Variants in IGSF9B observed in about 807,000 individuals in gnomAD.
The protein encoded by IGSF9B is immunoglobulin superfamily member 9B, also known as protein turtle homolog B.
In IGSF9B, 48 loss-of-function variants were observed where a neutral mutation model predicts 143.7. That is an observed-to-expected ratio of 0.33 (90% CI 0.26 to 0.42). IGSF9B has a LOEUF of 0.42. IGSF9B is among the 20% of genes least tolerant of loss of function. IGSF9B has a pLI of 1.00. For synonymous variants in IGSF9B, 903 were observed against 833.1 expected, an observed-to-expected ratio of 1.08 and a Z score of -1.44; for missense variants, 1,706 against 1,980.0, an observed-to-expected ratio of 0.86 and a Z score of 2.63.
chr11:133,940,317 CAGAA>C (rs1939919464), intron 3 of IGSF9B, among the ~76,000 whole-genome samples: 1 of 137,704 alleles, frequency 7.3e-6, no homozygotes, highest in Non-Finnish European at 1.5e-5. Flanking sequence ...TCATCGCACG[CAGAA>C]ACATACACCT....
chr11:133,940,105 A>ACG (rs1939905687), intron 3 of IGSF9B, among the ~76,000 whole-genome samples: 2 of 136,414 alleles, frequency 1.5e-5, no homozygotes, highest in Admixed American at 7.5e-5. Context: ...ACGCATCATC[A>ACG]CATAAACATA....
chr11:133,920,371 G>A lies in IGSF9B; in HGVS notation c.3354C>T (p.Ala1118=), dbSNP rs749221270. ...PGRGPVPAPP[A]AKWQDRPMQP... ...GCATAGGTCTGTCCTGCCACTTGGCGGCGGGGGGCGCTGGGACAGGGCCCC... is the reference window on the plus strand; with the variant it reads ...GCATAGGTCTGTCCTGCCACTTGGCAGCGGGGGGCGCTGGGACAGGGCCCC... Residue 1118 remains alanine (A), a synonymous_variant, in exon 18 of 20, where the codon GCC becomes GCT. Coordinates refer to ENST00000533871, the MANE Select transcript of IGSF9B (RefSeq NM_001277285.4). The A allele has an allele frequency of 6.9e-6, 11 of 1,604,444 alleles. No homozygotes were observed. Among genetic ancestry groups the A allele is most frequent in the Middle Eastern group, 1.7e-4 (1 of 5,986 alleles).
rs1939111679 is a variant in IGSF9B at position 133,901,066 on chromosome 11, A to G, written c.*8003T>C. The stretch of plus-strand genomic sequence containing the variant: ...CTTGCCCTGTTAAGCCCCTCTGCAA[A>G]GAAGTTCAAGTCAACATCCCTCCCA... On this transcript the variant is annotated 3_prime_UTR_variant, in exon 20 of 20. Transcript: ENST00000533871. 1 of 152,260 alleles carries G rather than the reference A, an allele frequency of 6.6e-6. No homozygotes were observed. The highest frequency in any genetic ancestry group is 2.1e-4 in the South Asian group (1 of 4,826). The allele number at this position is 152,260 out of a possible 1,614,324, so 9.4% of individuals were successfully genotyped here. A position where few individuals can be genotyped will look rare whatever the true frequency, so the allele number is the denominator to read the frequency against.
At chr11:133,918,052 G>GT (rs1266172393) in intron 18 of IGSF9B, among the ~76,000 whole-genome samples, 124 of 151,160 alleles carry the variant, frequency 8.2e-4, no homozygotes, top group Non-Finnish European at 1.4e-3. Flanking sequence ...GGGACGGGGG[G>GT]TGGGGGGCAG....
At chr11:133,935,496 C>T (rs2121318482) in intron 7 of IGSF9B, 121 bp downstream of exon 7, 1 of 1,160,124 alleles carries the variant, frequency 8.6e-7, no homozygotes, top group Non-Finnish European at 1.2e-6. Flanking sequence ...CTCTTATTCG[C>T]TCCTCCACCT....
rs781060693 is a variant in IGSF9B at position 133,926,709 on chromosome 11, A to T, written c.1807+207T>A. 5.3e-5 allele frequency among the ~76,000 whole-genome samples: 8 copies of T among 152,376 alleles called. No individual in the cohort carries two copies. In the South Asian group the frequency reaches 6.2e-4, roughly 12 times the overall value. On this transcript the variant is annotated intron_variant, in intron 13 of 19. Coordinates refer to ENST00000533871, the MANE Select transcript of IGSF9B (RefSeq NM_001277285.4). ...TCTTTCTTCCACCTGAAAAAGCAACAGGAATTCGGCCAATGGCACTCTGAT... is the reference window on the plus strand; with the variant it reads ...TCTTTCTTCCACCTGAAAAAGCAACTGGAATTCGGCCAATGGCACTCTGAT...
rs183644345 is a variant in IGSF9B at position 133,923,350 on chromosome 11, G to A, written c.2120-620C>T. 3.1e-3 allele frequency among the ~76,000 whole-genome samples: 475 copies of A among 152,284 alleles called. 2 individuals are homozygous for A. The highest frequency in any genetic ancestry group is 0.011 in the African/African-American group (447 of 41,558). On this transcript the variant is annotated intron_variant, in intron 15 of 19. Transcript: ENST00000533871. The stretch of plus-strand genomic sequence containing the variant: ...TCCCCTTCTAGTACAGGCATGCAAC[G>A]TCCTGAAGATTCGCATCCTGGTCAT...
intron 1 of IGSF9B, 80 bp downstream of exon 1, chr11:133,956,611 A>G (rs918193625): frequency 1.8e-5 from 17 of 962,248 alleles, no homozygotes; most frequent in Non-Finnish European, 2.5e-5. Context: ...GGGGCCAAGG[A>G]GCCGGGAAAC....
chr11:133,907,245 A>ATTCCCCTTCGGGGGGCT lies in IGSF9B; in HGVS notation c.*1823_*1824insAGCCCCCCGAAGGGGAA, dbSNP rs2121262377. Among the ~76,000 whole-genome samples, 2 of 152,326 alleles carry ATTCCCCTTCGGGGGGCT rather than the reference A, an allele frequency of 1.3e-5. No individual in the cohort carries two copies. The highest frequency in any genetic ancestry group is 4.1e-4 in the South Asian group (2 of 4,832). On this transcript the variant is annotated 3_prime_UTR_variant, in exon 20 of 20. Transcript: ENST00000533871. ...GTCCTCAGCTCCCTGGGTGAAAGGA[A>ATTCCCCTTCGGGGGGCT]GGACCAGGGCCGGTGTGGCACAGAA...
chr11:133,927,232 G>A, intron 12 of IGSF9B, 141 bp from the exon 13 acceptor site: 1 of 676,414 alleles, frequency 1.5e-6, no homozygotes, highest in Admixed American at 2.9e-5. Flanking sequence ...AGAGGGCATG[G>A]CCCAGAGTGG....
Position 133,904,831 on chromosome 11 carries a change from C to G in IGSF9B, c.*4238G>C, listed in dbSNP as rs775394009. Among the ~76,000 whole-genome samples the G allele has an allele frequency of 2.4e-4, 36 of 151,664 alleles. No individual in the cohort carries two copies. Among genetic ancestry groups the G allele is most frequent in the Admixed American group, 1.3e-3 (20 of 15,196 alleles). ...CCACCCTCCAGTTCTCCAACTCCCC[C>G]TCCTGAAACACCAGTGCCCCATCCA... is the stretch of plus-strand genomic sequence containing the variant. On this transcript the variant is annotated 3_prime_UTR_variant, in exon 20 of 20. Coordinates refer to ENST00000533871, the MANE Select transcript of IGSF9B (RefSeq NM_001277285.4).
At position 133,908,827 on chromosome 11, in the gene IGSF9B, TGTTGCC is replaced by T; in HGVS notation, c.*236_*241del. On this transcript the variant is annotated 3_prime_UTR_variant, in exon 20 of 20. Coordinates refer to ENST00000533871, the MANE Select transcript of IGSF9B (RefSeq NM_001277285.4). ...CAGGGGGCGGAGGGGAGGAGACAGG[TGTTGCC>T]CAGTCTCCAATCCACTTCCTGACCT... The T allele has an allele frequency of 2.0e-6, 1 of 495,012 alleles. No individual in the cohort carries two copies. The highest frequency in any genetic ancestry group is 3.2e-5 in the South Asian group (1 of 30,786). The allele number at this position is 495,012 out of a possible 1,614,324, so 30.7% of individuals were successfully genotyped here.
rs776267595 is a variant in IGSF9B at position 133,921,252 on chromosome 11, G to A, written c.2473C>T (p.Arg825Trp). 3.2e-5 allele frequency: 51 copies of A among 1,610,858 alleles called. No homozygotes were observed. In the Middle Eastern group the frequency reaches 9.9e-4, roughly 31 times the overall value. ...CTGTACTTCTTGCTGCTGATGGCCC[G>A]CTTGGTCTTCTTGTACAGCGACAGC... Reference protein sequence around the residue: ...KELSLYKKTKRAISSKKYSVA... With the variant: ...KELSLYKKTKWAISSKKYSVA... The change falls in exon 18 of 20, where the codon CGG (arginine) becomes TGG (tryptophan). Residue 825 changes from arginine to tryptophan, a missense_variant. Physicochemically the swap from Arg to Trp is moderately radical, Grantham distance 101. Around this residue, in one of 7 missense-constraint regions of IGSF9B, gnomAD observed 135 missense variants for 181.3 expected, o/e 0.74. Coordinates refer to ENST00000533871, the MANE Select transcript of IGSF9B (RefSeq NM_001277285.4).
At chr11:133,947,225 G>A (rs1054301368) in intron 1 of IGSF9B, among the ~76,000 whole-genome samples, 72 of 152,216 alleles carry the variant, frequency 4.7e-4, no homozygotes, top group African/African-American at 1.7e-3. Flanking sequence ...CCACTCCTGG[G>A]CCCAAAGAAG....
At position 133,913,614 on chromosome 11, in the gene IGSF9B, A is replaced by G. The variant is rs1939333547; in HGVS notation, c.3984-1607T>C. ...CTGACAGCAGAGCTAAGAAGGCTACACAGGGTCCCTCAGGTGCACACACAG... is the reference window on the plus strand; with the variant it reads ...CTGACAGCAGAGCTAAGAAGGCTACGCAGGGTCCCTCAGGTGCACACACAG... On this transcript the variant is annotated intron_variant, in intron 18 of 19. Coordinates refer to ENST00000533871, the MANE Select transcript of IGSF9B (RefSeq NM_001277285.4). The surrounding 1 kb of genome is among the most constrained non-coding windows in gnomAD (Gnocchi z 4.6). Among the ~76,000 whole-genome samples, 1 of 152,208 alleles carries G rather than the reference A, an allele frequency of 6.6e-6. No homozygotes were observed. Among genetic ancestry groups the G allele is most frequent in the Non-Finnish European group, 1.5e-5 (1 of 68,034 alleles).
chr11:133,922,514 TGGG>T, intron 16 of IGSF9B, 52 bp downstream of exon 16: 1 of 1,558,618 alleles, frequency 6.4e-7, no homozygotes, highest in Non-Finnish European at 8.8e-7. Context: ...CCTCTCTTGA[TGGG>T]GGGCATTTGA....
intron 15 of IGSF9B, among the ~76,000 whole-genome samples, chr11:133,923,976 A>T (rs966973705): frequency 2.0e-5 from 3 of 151,744 alleles, no homozygotes; most frequent in East Asian, 1.9e-4. Flanking sequence ...TTTTTTTTTT[A>T]AAGCCCATTG....
intron 1 of IGSF9B, among the ~76,000 whole-genome samples, chr11:133,951,153 G>A (rs193274305): frequency 4.4e-4 from 67 of 152,250 alleles, no homozygotes; most frequent in South Asian, 2.1e-4. Flanking sequence ...AAAGCACAGC[G>A]AACACCCAGA....
intron 3 of IGSF9B, among the ~76,000 whole-genome samples, chr11:133,939,452 A>C (rs1371791891): frequency 6.6e-6 from 1 of 152,234 alleles, no homozygotes; most frequent in Non-Finnish European, 1.5e-5. Context: ...TGCGTAGGTC[A>C]CCACATGCCC....
Sources: gnomAD v4.1 joint callset for allele counts (sites outside exome capture counted in the v4.1 genomes callset) on GRCh38, gnomAD v4.1.1 for gene constraint, gnomAD v4.1.1 regional missense constraint, Gnocchi (gnomAD v3.1) non-coding constraint, MANE v1.5 for transcripts, NCBI Gene and HGNC (gene_info 2026-07-23, HGNC 2026-07-21) for gene names.